UFL1: variants seen among roughly 807,000 people sequenced by gnomAD.
UFL1 encodes E3 UFM1-protein ligase 1.
A neutral mutation model predicts 99.3 loss-of-function variants in UFL1; 78 were observed. The ratio of observed to expected loss-of-function variants is 0.79; its 90% CI spans 0.65 to 0.95. UFL1 has a LOEUF of 0.95. UFL1 is among the 40% of genes least tolerant of loss of function. UFL1 has a pLI of 0.00. For synonymous variants in UFL1, 335 were observed against 322.2 expected (o/e 1.04, Z -0.42); for missense variants, 936 against 937.0 (o/e 1.00, Z 0.01).
Position 96,521,916 on chromosome 6 carries a change from T to C in UFL1, c.43T>C (p.Phe15Leu). The change falls in exon 1 of 19, where the codon TTC becomes CTC. Residue 15 changes from phenylalanine (F) to leucine (L), a missense_variant. Phe to Leu is a conservative substitution (Grantham distance 22, BLOSUM62 0). Coordinates refer to ENST00000369278, the MANE Select transcript of UFL1 (RefSeq NM_015323.5). ...AGAGATTAGGCGGTTGGCGGCCGAC[T>C]TCCAGCGGGCGCAGTTCGCCGAGGC... ...WEEIRRLAAD[F>L]QRAQFAEATQ... 1 of 1,612,730 alleles carries C rather than the reference T, an allele frequency of 6.2e-7. No individual in the cohort carries two copies. Among genetic ancestry groups the C allele is most frequent in the South Asian group, 1.1e-5 (1 of 90,700 alleles).
chr6:96,545,259 G>T (rs1283656587), intron 12 of UFL1, among the ~76,000 whole-genome samples: 1 of 150,936 alleles, frequency 6.6e-6, no homozygotes, highest in African/African-American at 2.4e-5. Context: ...ACTTAATTAA[G>T]CTAGAAATAA....
intron 5 of UFL1, among the ~76,000 whole-genome samples, chr6:96,527,086 C>G (rs1769714442): frequency 6.6e-6 from 1 of 152,122 alleles, no homozygotes; most frequent in South Asian, 2.1e-4. Context: ...TGTGTGATAA[C>G]AATGCTGCCT....
At position 96,553,809 on chromosome 6, in the gene UFL1, A is replaced by T. The variant is rs1188578694; in HGVS notation, c.*306A>T. ...TATTTCAGGTTTGTTCTCTTTCCAAATGTTGAATGAAAAACAAATTTTCCA... is the reference window on the plus strand; with the variant it reads ...TATTTCAGGTTTGTTCTCTTTCCAATTGTTGAATGAAAAACAAATTTTCCA... On this transcript the variant is annotated 3_prime_UTR_variant, in exon 19 of 19. Coordinates refer to ENST00000369278, the MANE Select transcript of UFL1 (RefSeq NM_015323.5). The T allele has an allele frequency of 4.4e-6, 1 of 229,172 alleles. No homozygotes were observed. The highest frequency in any genetic ancestry group is 2.3e-5 in the African/African-American group (1 of 44,222). 14.2% of individuals were successfully genotyped at this position (229,172 alleles called of 1,614,324 possible).
intron 11 of UFL1, among the ~76,000 whole-genome samples, chr6:96,541,056 C>T (rs1459166583): frequency 6.6e-6 from 1 of 151,328 alleles, no homozygotes; most frequent in African/African-American, 2.4e-5. Flanking sequence ...CTGTAAGTAA[C>T]TGGTGTATTC....
chr6:96,538,869 T>C, intron 10 of UFL1, 59 bp downstream of exon 10: 2 of 1,413,142 alleles, frequency 1.4e-6, no homozygotes, highest in Non-Finnish European at 1.9e-6. Flanking sequence ...TAGAATCATC[T>C]GATGTCTTTT....
At chr6:96,537,670 C>A in intron 9 of UFL1, 121 bp downstream of exon 9, 2 of 932,562 alleles carry the variant, frequency 2.1e-6, no homozygotes, top group Non-Finnish European at 3.0e-6. Flanking sequence ...AAATTCTAAT[C>A]ATTGTTATAA....
chr6:96,545,201 T>C (rs1298770720), intron 12 of UFL1, among the ~76,000 whole-genome samples: 1 of 151,130 alleles, frequency 6.6e-6, no homozygotes, highest in Non-Finnish European at 1.5e-5. Context: ...AATTGATTTT[T>C]GAGCCATTTT....
chr6:96,550,470 C>A (rs959809511), intron 15 of UFL1, among the ~76,000 whole-genome samples: 3 of 151,962 alleles, frequency 2.0e-5, no homozygotes, highest in African/African-American at 7.2e-5. Context: ...GACTACATGT[C>A]ACTGCTTTGA....
intron 15 of UFL1, among the ~76,000 whole-genome samples, chr6:96,550,040 C>T (rs1411676193): frequency 1.3e-5 from 2 of 151,572 alleles, no homozygotes; most frequent in African/African-American, 2.4e-5. Flanking sequence ...CAGTTTTTTC[C>T]CTAATTATTA....
intron 5 of UFL1, 39 bp from the exon 6 acceptor site, chr6:96,528,463 T>G (rs532863924): frequency 6.3e-7 from 1 of 1,599,930 alleles, no homozygotes; most frequent in East Asian, 2.2e-5. Context: ...TGTAATTCTT[T>G]TCTTTTAAAT....
chr6:96,530,522 A>G (rs1269328805), intron 6 of UFL1, among the ~76,000 whole-genome samples: 1 of 152,182 alleles, frequency 6.6e-6, no homozygotes, highest in East Asian at 1.9e-4. Context: ...CCTGTTCTTC[A>G]TCAGACTTGC....
chr6:96,549,733 C>T lies in UFL1; in HGVS notation c.1752C>T (p.Leu584=), dbSNP rs1377659062. Residue 584 remains leucine (L), a synonymous_variant, in exon 15 of 19, where the codon CTC becomes CTT. Coordinates refer to ENST00000369278, the MANE Select transcript of UFL1 (RefSeq NM_015323.5). ...CAGTGTGTACTGATATCACTAACCTCATTTTCAACTTCTTAGCTTCGGATT... is the reference window on the plus strand; with the variant it reads ...CAGTGTGTACTGATATCACTAACCTTATTTTCAACTTCTTAGCTTCGGATT... The part of the protein sequence containing the change: ...LKSVCTDITN[L]IFNFLASDLM... 3 of 1,612,364 alleles carry T rather than the reference C, an allele frequency of 1.9e-6. No individual in the cohort carries two copies. Among genetic ancestry groups the T allele is most frequent in the East Asian group, 2.2e-5 (1 of 44,832 alleles).
chr6:96,551,494 A>G lies in UFL1; in HGVS notation c.1880A>G (p.His627Arg), dbSNP rs201827809. ...EETKVALTKL[H>R]NSLNEKSIED... ...ACCAAAGTAGCTCTTACAAAACTCC[A>G]TAACTCTCTGAATGAAAAGGTAAGT... Residue 627 changes from histidine to arginine, a missense_variant, in exon 16 of 19, where the codon CAT (histidine) becomes CGT (arginine). Coordinates refer to ENST00000369278, the MANE Select transcript of UFL1 (RefSeq NM_015323.5). The G allele has an allele frequency of 7.8e-6, 12 of 1,532,410 alleles. 1 individual carries two copies. The Admixed American group carries it at 1.1e-4, about 14-fold the overall frequency. The allele number at this position is 1,532,410 out of a possible 1,614,324, so 94.9% of individuals were successfully genotyped here.
intron 17 of UFL1, 126 bp from the exon 18 acceptor site, chr6:96,552,356 T>A: frequency 1.9e-6 from 2 of 1,070,932 alleles, no homozygotes; most frequent in Non-Finnish European, 1.3e-6. Context: ...ATTGAAAAGT[T>A]ACCTTAAATT....
intron 10 of UFL1, 122 bp downstream of exon 10, chr6:96,538,932 T>G: frequency 3.6e-6 from 3 of 844,672 alleles, no homozygotes; most frequent in Non-Finnish European, 5.0e-6. Flanking sequence ...TATTTTCCTT[T>G]AATGTATCAT....
intron 12 of UFL1, among the ~76,000 whole-genome samples, chr6:96,544,498 A>G (rs1769974343): frequency 6.6e-6 from 1 of 151,018 alleles, no homozygotes; most frequent in Admixed American, 6.6e-5. Flanking sequence ...GAAGATGTAG[A>G]TATCAAGTGA....
Position 96,549,461 on chromosome 6 carries a change from T to A in UFL1, c.1570T>A (p.Ser524Thr). 2 of 1,598,074 alleles carry A rather than the reference T, an allele frequency of 1.3e-6. No homozygotes were observed. The highest frequency in any genetic ancestry group is 1.7e-6 in the Non-Finnish European group (2 of 1,175,548). The change falls in exon 14 of 19, where the codon TCA (serine) becomes ACA (threonine). Residue 524 changes from serine to threonine, a missense_variant. Transcript: ENST00000369278. Reference protein sequence around the residue: ...LEVVRSVFMSSTTSASGTGRK... With the variant: ...LEVVRSVFMSTTTSASGTGRK... The stretch of plus-strand genomic sequence containing the variant: ...GGTGGTACGTTCAGTATTCATGTCT[T>A]CAACAACTTCTGCTTCTGGGACGGG...
chr6:96,537,516 A>G lies in UFL1; in HGVS notation c.945A>G (p.Glu315=), dbSNP rs1017075724. 6.2e-7 allele frequency: 1 copy of G among 1,605,092 alleles called. No individual in the cohort carries two copies. Among genetic ancestry groups the G allele is most frequent in the African/African-American group, 1.3e-5 (1 of 74,074 alleles). Residue 315 remains glutamate (E), a synonymous_variant, in exon 9 of 19, where the codon GAA becomes GAG. Transcript: ENST00000369278. ...LVDQVEASVE[E]AISSGTWVDI... ...ATCAAGTGGAAGCATCAGTAGAAGA[A>G]GCCATCAGCTCTGGAACATGGGTTG...
chr6:96,538,836 T>C (rs1351096710), intron 10 of UFL1, 26 bp downstream of exon 10: 6 of 1,549,452 alleles, frequency 3.9e-6, no homozygotes, highest in East Asian at 2.3e-5. Context: ...TTTTATCTGC[T>C]AATCTTAATA....
Sources: allele counts gnomAD v4.1 joint callset (sites outside exome capture counted in the v4.1 genomes callset), GRCh38; gene constraint gnomAD v4.1.1; transcripts MANE v1.5; gene names NCBI Gene and HGNC (gene_info 2026-07-23, HGNC 2026-07-21).